Variants in DPP10 observed in about 807,000 individuals in gnomAD.
DPP10 encodes the protein inactive dipeptidyl peptidase 10.
DPP10 carries 33 observed loss-of-function variants against 120.9 expected under a neutral mutation model. The ratio of observed to expected loss-of-function variants is 0.27; its 90% CI spans 0.21 to 0.37. DPP10 has a LOEUF of 0.37. Ranked by LOEUF, DPP10 falls within the 10% of genes least tolerant of loss-of-function variation. DPP10 has a pLI of 1.00. For missense variants in DPP10, 816 were observed against 942.8 expected (o/e 0.87, Z 1.76); for synonymous variants, 337 against 326.1 (o/e 1.03, Z -0.36).
chr2:115,173,907 C>T (rs1573891830), intron 1 of DPP10, among the ~76,000 whole-genome samples: 1 of 152,072 alleles, frequency 6.6e-6, no homozygotes, highest in Non-Finnish European at 1.5e-5. Flanking sequence ...CAGTTTGGTA[C>T]AGTAGAAAGA....
chr2:114,476,469 G>A (rs1390376493), intron 1 of DPP10, among the ~76,000 whole-genome samples: 1 of 152,156 alleles, frequency 6.6e-6, no homozygotes, highest in Non-Finnish European at 1.5e-5. Context: ...TACAAAGATT[G>A]TACATTGGAC....
intron 3 of DPP10, among the ~76,000 whole-genome samples, chr2:115,431,086 G>A (rs907923567): frequency 4.6e-5 from 7 of 152,102 alleles, no homozygotes; most frequent in African/African-American, 1.7e-4. Flanking sequence ...AGAGACCCAG[G>A]GTTATTATTC....
At chr2:115,527,451 A>C (rs1454694073) in intron 5 of DPP10, among the ~76,000 whole-genome samples, 1 of 152,204 alleles carries the variant, frequency 6.6e-6, no homozygotes, top group East Asian at 1.9e-4. Context: ...TTAGAAAAAA[A>C]TGTTTGGGAT....
chr2:115,733,654 C>T (rs994925298), intron 8 of DPP10, among the ~76,000 whole-genome samples: 2 of 150,774 alleles, frequency 1.3e-5, no homozygotes, highest in Non-Finnish European at 1.5e-5. Context: ...GGAAATCCTA[C>T]TGGTCTGAAC....
At chr2:115,690,050 A>T (rs1458644115) in intron 7 of DPP10, 129 bp downstream of exon 7, 7 of 760,144 alleles carry the variant, frequency 9.2e-6, no homozygotes, top group African/African-American at 1.8e-5. Context: ...AGTCCTTTAT[A>T]TCTTTTATCT....
intron 5 of DPP10, among the ~76,000 whole-genome samples, chr2:115,549,564 T>C (rs2079745932): frequency 6.6e-6 from 1 of 152,140 alleles, no homozygotes; most frequent in African/African-American, 2.4e-5. Context: ...GTTCATTCCA[T>C]TTCCACACCA....
At chr2:114,838,579 G>A (rs1415040141) in intron 1 of DPP10, among the ~76,000 whole-genome samples, 1 of 152,124 alleles carries the variant, frequency 6.6e-6, no homozygotes, top group Non-Finnish European at 1.5e-5. Flanking sequence ...TTACAGGTAT[G>A]AGCCACTGTG....
intron 1 of DPP10, among the ~76,000 whole-genome samples, chr2:114,725,500 G>A (rs918774812): frequency 2.0e-5 from 3 of 152,150 alleles, no homozygotes. Context: ...GGCAACATCC[G>A]ATGATGCAAA....
At chr2:115,171,727 A>C (rs943878348) in intron 1 of DPP10, among the ~76,000 whole-genome samples, 169 of 151,954 alleles carry the variant, frequency 1.1e-3, no homozygotes, top group African/African-American at 3.8e-3. Context: ...AAAAAAAAAA[A>C]ACAAAAAAAA....
At chr2:114,880,643 T>A (rs184610549) in intron 1 of DPP10, among the ~76,000 whole-genome samples, 9 of 152,276 alleles carry the variant, frequency 5.9e-5, no homozygotes, top group African/African-American at 2.2e-4. Flanking sequence ...AAACATAATT[T>A]AAGAAACTTT....
At chr2:115,635,446 C>G (rs1264669120) in intron 5 of DPP10, among the ~76,000 whole-genome samples, 1 of 152,162 alleles carries the variant, frequency 6.6e-6, no homozygotes, top group Non-Finnish European at 1.5e-5. Flanking sequence ...GTGGTAGCTC[C>G]CCTTGCCCTG....
chr2:114,871,707 A>G (rs1403723439), intron 1 of DPP10, among the ~76,000 whole-genome samples: 14 of 152,142 alleles, frequency 9.2e-5, no homozygotes, highest in Admixed American at 9.2e-4. Flanking sequence ...CCTCTTTGAT[A>G]TGGATGAGGG....
intron 12 of DPP10, among the ~76,000 whole-genome samples, chr2:115,766,471 C>T (rs28435824): frequency 6.6e-6 from 1 of 151,292 alleles, no homozygotes; most frequent in Admixed American, 6.6e-5. Context: ...TACATACATT[C>T]ATATACATAT....
At chr2:114,482,355 A>G (rs1681136756) in intron 1 of DPP10, among the ~76,000 whole-genome samples, 1 of 152,194 alleles carries the variant, frequency 6.6e-6, no homozygotes. Context: ...TTATTAAAAC[A>G]TCATAAAGAT....
intron 1 of DPP10, among the ~76,000 whole-genome samples, chr2:115,089,864 A>G (rs1244240867): frequency 2.0e-5 from 3 of 152,204 alleles, no homozygotes; most frequent in East Asian, 1.9e-4. Flanking sequence ...TATTGAAATC[A>G]TCTCTTTCCT....
intron 1 of DPP10, among the ~76,000 whole-genome samples, chr2:114,462,463 T>G (rs1297561849): frequency 3.3e-5 from 5 of 152,226 alleles, no homozygotes; most frequent in African/African-American, 2.4e-5. Flanking sequence ...ACCTTGGCAG[T>G]TTTGAGAAGT....
At chr2:115,379,503 G>C (rs967713880) in intron 3 of DPP10, among the ~76,000 whole-genome samples, 3 of 152,070 alleles carry the variant, frequency 2.0e-5, no homozygotes, top group African/African-American at 7.2e-5. Context: ...CAAAAAACCA[G>C]CTCCTGGATT....
chr2:114,456,716 T>C (rs1678604692), intron 1 of DPP10, among the ~76,000 whole-genome samples: 1 of 152,186 alleles, frequency 6.6e-6, no homozygotes, highest in Non-Finnish European at 1.5e-5. Flanking sequence ...TGATTACACG[T>C]ACAAAATATT....
chr2:115,271,911 A>G (rs1161107777), intron 1 of DPP10, among the ~76,000 whole-genome samples: 1 of 152,220 alleles, frequency 6.6e-6, no homozygotes, highest in African/African-American at 2.4e-5. Context: ...TTGTGTTAAG[A>G]AAATATTTCT....
Sources: gnomAD v4.1 joint callset for allele counts (sites outside exome capture counted in the v4.1 genomes callset) on GRCh38, gnomAD v4.1.1 for gene constraint, MANE v1.5 for transcripts, NCBI Gene and HGNC (gene_info 2026-07-23, HGNC 2026-07-21) for gene names.